KYNU: variants seen among roughly 807,000 people sequenced by gnomAD.
KYNU encodes L-kynurenine hydrolase.
A neutral mutation model predicts 59.2 loss-of-function variants in KYNU; 54 were observed. The ratio of observed to expected loss-of-function variants is 0.91; its 90% CI spans 0.73 to 1.14. KYNU has a LOEUF of 1.14. Among genes scored for constraint, KYNU ranks in the 50% most tolerant of loss-of-function variants. The pLI is 0.00. For missense variants in KYNU, 567 were observed against 554.4 expected (o/e 1.02, Z -0.23); for synonymous variants, 177 against 192.0 (o/e 0.92, Z 0.65).
At chr2:142,969,163 A>G (rs772033697) in intron 8 of KYNU, among the ~76,000 whole-genome samples, 8 of 152,278 alleles carry the variant, frequency 5.3e-5, no homozygotes, top group East Asian at 1.9e-4. Flanking sequence ...AGAAAAAGAC[A>G]TGTTAAATAC....
At chr2:142,913,701 A>T (rs1209219522) in intron 2 of KYNU, among the ~76,000 whole-genome samples, 1 of 152,214 alleles carries the variant, frequency 6.6e-6, no homozygotes, top group Non-Finnish European at 1.5e-5. Flanking sequence ...GTAGATGTCT[A>T]TTAGGTCCCA....
At chr2:142,933,304 T>C (rs1683288016) in intron 4 of KYNU, among the ~76,000 whole-genome samples, 1 of 151,744 alleles carries the variant, frequency 6.6e-6, no homozygotes, top group Non-Finnish European at 1.5e-5. Context: ...GGGAGAAAGG[T>C]TTGGTGAGGT....
At chr2:142,935,772 A>G (rs1163402100) in intron 4 of KYNU, among the ~76,000 whole-genome samples, 1 of 152,138 alleles carries the variant, frequency 6.6e-6, no homozygotes, top group Non-Finnish European at 1.5e-5. Context: ...GGAGGGAAGG[A>G]AAAAGCCGGA....
At chr2:142,970,305 C>T (rs1684681622) in intron 8 of KYNU, among the ~76,000 whole-genome samples, 1 of 152,144 alleles carries the variant, frequency 6.6e-6, no homozygotes. Context: ...TAAAACCTGG[C>T]ATCAAAGGAA....
At position 142,986,120 on chromosome 2, in the gene KYNU, G is replaced by T. The variant is rs574541852; in HGVS notation, c.902+99G>T. The T allele has an allele frequency of 6.2e-6, 5 of 802,316 alleles. No homozygotes were observed. In the South Asian group the frequency reaches 7.1e-5, roughly 11 times the overall value. The allele number at this position is 802,316 out of a possible 1,614,324, so 49.7% of individuals were successfully genotyped here. A position where few individuals can be genotyped will look rare whatever the true frequency, so the allele number is the denominator to read the frequency against. On this transcript the variant is annotated intron_variant, in intron 10 of 13. Coordinates refer to ENST00000264170, the MANE Select transcript of KYNU (RefSeq NM_003937.3). ...GAGTTCCTTAAGATGCTATCCAATA[G>T]GAATTAGGATTGGATTATAATTATT...
chr2:142,932,815 G>T (rs1573806375), intron 4 of KYNU, among the ~76,000 whole-genome samples: 1 of 152,148 alleles, frequency 6.6e-6, no homozygotes, highest in African/African-American at 2.4e-5. Flanking sequence ...CTTGCTGTAA[G>T]AAGGAGCTGC....
rs1416778959 is a variant in KYNU, at chr2:143,044,368, T to A, written c.*2196T>A. ...ATACCCAGTAATGGGATTGCTGGGT[T>A]AAATGGTATTTCTGGTTCTAGATCC... On this transcript the variant is annotated 3_prime_UTR_variant, in exon 14 of 14. Transcript: ENST00000264170. The A allele has an allele frequency of 6.6e-6, 1 of 152,184 alleles. No homozygotes were observed. The highest frequency in any genetic ancestry group is 2.4e-5 in the African/African-American group (1 of 41,450). The allele number at this position is 152,184 out of a possible 1,614,324, so 9.4% of individuals were successfully genotyped here.
At chr2:142,951,286 G>T (rs1573830327) in intron 4 of KYNU, among the ~76,000 whole-genome samples, 1 of 152,222 alleles carries the variant, frequency 6.6e-6, no homozygotes, top group African/African-American at 2.4e-5. Flanking sequence ...AGGTGTGGTG[G>T]CCTATGCCTG....
intron 13 of KYNU, among the ~76,000 whole-genome samples, chr2:143,041,301 C>T (rs748174346): frequency 5.3e-5 from 8 of 151,906 alleles, no homozygotes; most frequent in Admixed American, 6.6e-5. Context: ...TCATGTTTAC[C>T]TGTAGGAGAG....
At chr2:142,946,504 C>T (rs1045192631) in intron 4 of KYNU, among the ~76,000 whole-genome samples, 6 of 152,228 alleles carry the variant, frequency 3.9e-5, no homozygotes, top group Middle Eastern at 3.4e-3. Context: ...AGCTCTTGGG[C>T]GACTATGTGC....
At chr2:143,041,061 G>A (rs1687028677) in intron 13 of KYNU, among the ~76,000 whole-genome samples, 1 of 151,996 alleles carries the variant, frequency 6.6e-6, no homozygotes, top group Admixed American at 6.6e-5. Flanking sequence ...GTCTTATTTA[G>A]TCGCTTGATC....
intron 2 of KYNU, among the ~76,000 whole-genome samples, chr2:142,886,704 T>C (rs1681525633): frequency 6.6e-6 from 1 of 152,184 alleles, no homozygotes; most frequent in Non-Finnish European, 1.5e-5. Context: ...AAAGGAATTC[T>C]TAACGGAAAT....
intron 2 of KYNU, among the ~76,000 whole-genome samples, chr2:142,909,951 T>A (rs1682423486): frequency 6.6e-6 from 1 of 152,164 alleles, no homozygotes; most frequent in South Asian, 2.1e-4. Context: ...CTTTGCAACC[T>A]TGTCACCATC....
intron 12 of KYNU, 128 bp downstream of exon 12, chr2:143,033,449 GA>G (rs1417789520): frequency 2.5e-6 from 2 of 798,300 alleles, no homozygotes; most frequent in Non-Finnish European, 4.5e-6. Flanking sequence ...ACAAGGGACA[GA>G]AGGCAGCATT....
At chr2:142,926,322 T>C (rs351709) in intron 3 of KYNU, among the ~76,000 whole-genome samples, 3,992 of 152,306 alleles carry the variant, frequency 0.026, 170 homozygotes, top group Admixed American at 0.11. Flanking sequence ...CAAATATTTA[T>C]CTTTTTAATT....
At chr2:142,945,166 T>A (rs1683730842) in intron 4 of KYNU, among the ~76,000 whole-genome samples, 1 of 152,252 alleles carries the variant, frequency 6.6e-6, no homozygotes, top group Admixed American at 6.5e-5. Context: ...TTTGCCATGT[T>A]AATTGAGTCT....
intron 2 of KYNU, among the ~76,000 whole-genome samples, chr2:142,898,239 T>C (rs942191562): frequency 6.6e-6 from 1 of 152,054 alleles, no homozygotes; most frequent in Non-Finnish European, 1.5e-5. Flanking sequence ...TCCACAGAGA[T>C]GTTTTATTTT....
chr2:142,918,845 T>C (rs907378406), intron 3 of KYNU, 116 bp downstream of exon 3: 27 of 1,195,924 alleles, frequency 2.3e-5, no homozygotes, highest in Non-Finnish European at 2.7e-5. Context: ...AGTCATCCCT[T>C]GGCATCTGTG....
At chr2:142,885,786 A>T (rs1681489169) in intron 2 of KYNU, among the ~76,000 whole-genome samples, 1 of 152,160 alleles carries the variant, frequency 6.6e-6, no homozygotes, top group South Asian at 2.1e-4. Context: ...ACTTCTCTGA[A>T]CAATTGAGTG....
Sources: gnomAD v4.1 joint callset for allele counts (sites outside exome capture counted in the v4.1 genomes callset) on GRCh38, gnomAD v4.1.1 for gene constraint, MANE v1.5 for transcripts, NCBI Gene and HGNC (gene_info 2026-07-23, HGNC 2026-07-21) for gene names.